Variants in MAP3K20 observed in about 807,000 individuals in gnomAD.
MAP3K20 encodes the protein mitogen-activated protein kinase kinase kinase 20, also known as HCCS-4.
A neutral mutation model predicts 85.7 loss-of-function variants in MAP3K20; 40 were observed. That is an observed-to-expected ratio of 0.47 (90% confidence interval 0.36 to 0.61). The LOEUF is 0.61. MAP3K20 is among the 20% of genes least tolerant of loss of function. The pLI, the probability that MAP3K20 is intolerant of heterozygous loss-of-function variation, is 0.00. For synonymous variants in MAP3K20, 325 were observed against 327.7 expected (o/e 0.99, Z 0.09); for missense variants, 817 against 961.7 (o/e 0.85, Z 1.99).
intron 17 of MAP3K20, among the ~76,000 whole-genome samples, chr2:173,260,030 A>G (rs1218403374): frequency 1.3e-5 from 2 of 152,198 alleles, no homozygotes; most frequent in Non-Finnish European, 2.9e-5. Flanking sequence ...AACCGAAACA[A>G]TAATAATCCT....
intron 17 of MAP3K20, among the ~76,000 whole-genome samples, chr2:173,259,042 G>A (rs573154246): frequency 4.5e-4 from 68 of 152,056 alleles, no homozygotes; most frequent in African/African-American, 1.6e-3. Context: ...AAAAGGTATC[G>A]TTTAATTTTT....
intron 16 of MAP3K20, among the ~76,000 whole-genome samples, chr2:173,254,043 C>G: frequency 6.7e-6 from 1 of 149,238 alleles, no homozygotes; most frequent in African/African-American, 2.5e-5. Flanking sequence ...TGCCCTCCAG[C>G]CCGGGTGACA....
At position 173,169,049 on chromosome 2, in the gene MAP3K20, G is replaced by A. The variant is rs747085119; in HGVS notation, c.160-756G>A. ...TTATAGTACCTTGCATACAGAAGGA[G>A]AACAATAATATATTTTGCATAAATG... is the stretch of plus-strand genomic sequence containing the variant. On this transcript the variant is annotated intron_variant, in intron 2 of 19. Transcript: ENST00000375213. 6.1e-4 allele frequency among the ~76,000 whole-genome samples: 93 copies of A among 152,102 alleles called. 2 individuals carry two copies. Among genetic ancestry groups the A allele is most frequent in the Non-Finnish European group, 6.3e-4 (43 of 68,032 alleles).
chr2:173,244,460 G>A (rs1362953209), intron 16 of MAP3K20, among the ~76,000 whole-genome samples: 1 of 152,156 alleles, frequency 6.6e-6, no homozygotes, highest in Non-Finnish European at 1.5e-5. Flanking sequence ...TTAGCATTTG[G>A]GTGAGATGCA....
intron 3 of MAP3K20, among the ~76,000 whole-genome samples, chr2:173,174,332 C>T (rs1301430016): frequency 2.6e-5 from 4 of 152,072 alleles, no homozygotes; most frequent in African/African-American, 7.2e-5. Context: ...AGGTATTTTT[C>T]CTAATGCTCT....
intron 2 of MAP3K20, among the ~76,000 whole-genome samples, chr2:173,160,881 C>G (rs1689637856): frequency 6.6e-6 from 1 of 152,078 alleles, no homozygotes; most frequent in Admixed American, 6.5e-5. Flanking sequence ...CTACTGAGTA[C>G]CAGGGGTCCA....
chr2:173,258,009 C>T (rs1685199210), intron 16 of MAP3K20, among the ~76,000 whole-genome samples: 1 of 152,184 alleles, frequency 6.6e-6, no homozygotes, highest in East Asian at 1.9e-4. Context: ...TAATTCTCAG[C>T]TGTTCATGAA....
At chr2:173,227,261 A>C in intron 11 of MAP3K20, 3 of 473,460 alleles carry the variant, frequency 6.3e-6, no homozygotes, top group Non-Finnish European at 8.3e-6. Flanking sequence ...TTCTCTCCTA[A>C]AGTCAGTGGG....
intron 2 of MAP3K20, among the ~76,000 whole-genome samples, chr2:173,149,383 G>C (rs573132129): frequency 6.6e-6 from 1 of 152,048 alleles, no homozygotes; most frequent in African/African-American, 2.4e-5. Context: ...CCAAAGTCTG[G>C]AGCTTAGTTA....
In MAP3K20 at chr2:173,092,172, C is replaced by G. The variant is rs555891003; in HGVS notation, c.159+982C>G. 7.9e-5 allele frequency among the ~76,000 whole-genome samples: 12 copies of G among 152,232 alleles called. No homozygotes were observed. The South Asian group carries it at 2.5e-3, about 32-fold the overall frequency. ...CAGCGGTGCTGTGTAATTGTGTGAT[C>G]ACCAGCTGTGTTTCCAATTGTTGAA... On this transcript the variant is annotated intron_variant, in intron 2 of 19. Coordinates refer to ENST00000375213, the MANE Select transcript of MAP3K20 (RefSeq NM_016653.3).
intron 2 of MAP3K20, among the ~76,000 whole-genome samples, chr2:173,113,741 T>C (rs185553993): frequency 9.5e-4 from 145 of 152,320 alleles, no homozygotes; most frequent in Non-Finnish European, 1.1e-3. Flanking sequence ...TTTATTCCAC[T>C]GTGGTCTGAG....
chr2:173,237,543 T>C (rs1047720355), intron 14 of MAP3K20, among the ~76,000 whole-genome samples: 2 of 152,204 alleles, frequency 1.3e-5, no homozygotes, highest in Non-Finnish European at 1.5e-5. Context: ...TTTTTTACTC[T>C]CTCTGCAATC....
intron 2 of MAP3K20, among the ~76,000 whole-genome samples, chr2:173,103,118 C>G (rs1022938619): frequency 1.3e-5 from 2 of 152,054 alleles, no homozygotes; most frequent in Non-Finnish European, 2.9e-5. Context: ...CACTTGGTGG[C>G]TATTTTAAAA....
chr2:173,103,059 GA>G (rs1190096084), intron 2 of MAP3K20, among the ~76,000 whole-genome samples: 1 of 150,662 alleles, frequency 6.6e-6, no homozygotes, highest in Non-Finnish European at 1.5e-5. Context: ...ATCTCAAAAA[GA>G]AAAAAAAGAA....
intron 16 of MAP3K20, among the ~76,000 whole-genome samples, chr2:173,255,716 G>C (rs1243594069): frequency 6.6e-6 from 1 of 152,198 alleles, no homozygotes; most frequent in Non-Finnish European, 1.5e-5. Context: ...GGAAGTTCAG[G>C]CGTTTTCACA....
At chr2:173,205,679 TG>T (rs1683661834) in intron 9 of MAP3K20, among the ~76,000 whole-genome samples, 1 of 152,228 alleles carries the variant, frequency 6.6e-6, no homozygotes, top group Non-Finnish European at 1.5e-5. Flanking sequence ...CTTTCACTCC[TG>T]GTCTTTAGAC....
At position 173,216,696 on chromosome 2, in the gene MAP3K20, T is replaced by G. The variant is rs375016955; in HGVS notation, c.852-419T>G. Among the ~76,000 whole-genome samples, 315 of 152,302 alleles carry G rather than the reference T, an allele frequency of 2.1e-3. 7 individuals carry two copies. In the South Asian group the frequency reaches 0.056, roughly 27 times the overall value. ...ATCTCAACCACTTACTGATGGTGTGTTGTTGACCACCTAACCTGAATATCA... is the reference window on the plus strand; with the variant it reads ...ATCTCAACCACTTACTGATGGTGTGGTGTTGACCACCTAACCTGAATATCA... On this transcript the variant is annotated intron_variant, in intron 10 of 19. Transcript: ENST00000375213.
rs749173713 is a variant in MAP3K20 at position 173,203,802 on chromosome 2, A to G, written c.676A>G (p.Thr226Ala). 23 of 1,613,338 alleles carry G rather than the reference A, an allele frequency of 1.4e-5. No individual in the cohort carries two copies. The Admixed American group carries it at 3.5e-4, about 25-fold the overall frequency. ...TTCCCTCTGTCTATTGTAGAGATTA[A>G]CCATTCCAAGCAGTTGCCCCAGAAG... ...WLVVEKNERL[T>A]IPSSCPRSFA... The change falls in exon 9 of 20, where the codon ACC becomes GCC. Residue 226 changes from threonine (T) to alanine (A), a missense_variant. Physicochemically the swap from Thr to Ala is moderately conservative, Grantham distance 58 (BLOSUM62 0). Around this residue, in one of 4 missense-constraint regions of MAP3K20, gnomAD observed 200 missense variants for 302.7 expected, o/e 0.66. Coordinates refer to ENST00000375213, the MANE Select transcript of MAP3K20 (RefSeq NM_016653.3).
intron 3 of MAP3K20, among the ~76,000 whole-genome samples, chr2:173,176,483 A>C (rs1215936476): frequency 1.3e-5 from 2 of 152,148 alleles, no homozygotes; most frequent in Non-Finnish European, 2.9e-5. Flanking sequence ...GATTAGTATT[A>C]AACTGAGGTA....
Sources: allele counts gnomAD v4.1 joint callset (sites outside exome capture counted in the v4.1 genomes callset), GRCh38; gene constraint gnomAD v4.1.1; regional missense constraint gnomAD v4.1.1; transcripts MANE v1.5; gene names NCBI Gene and HGNC (gene_info 2026-07-23, HGNC 2026-07-21).